The following POMGNT2 variants were observed in gnomAD, a reference collection of about 807,000 sequenced individuals.
The protein encoded by POMGNT2 is protein O-linked-mannose beta-1,4-N-acetylglucosaminyltransferase 2.
In POMGNT2, 32 loss-of-function variants were observed where a neutral mutation model predicts 37.8. The observed-to-expected ratio is 0.85, with a 90% CI of 0.64 to 1.14. The LOEUF is 1.14. Ranked by LOEUF, POMGNT2 falls within the 50% of genes most tolerant of loss-of-function variation. POMGNT2 has a pLI of 0.00. For missense variants in POMGNT2, 705 were observed against 780.6 expected (o/e 0.90, Z 1.15); for synonymous variants, 340 against 336.8 (o/e 1.01, Z -0.10).
intron 1 of POMGNT2, among the ~76,000 whole-genome samples, chr3:43,100,675 G>A (rs2090012099): frequency 6.6e-6 from 1 of 152,034 alleles, no homozygotes; most frequent in South Asian, 2.1e-4. Context: ...TCTATTTTCT[G>A]GTCCAGAATC....
At chr3:43,086,498 G>A (rs771928278) in intron 1 of POMGNT2, among the ~76,000 whole-genome samples, 2 of 152,168 alleles carry the variant, frequency 1.3e-5, no homozygotes, top group Non-Finnish European at 2.9e-5. Context: ...TATCTTTTGG[G>A]TTTCAACAAC....
chr3:43,089,649 G>A (rs1212522654), intron 1 of POMGNT2, among the ~76,000 whole-genome samples: 2 of 152,104 alleles, frequency 1.3e-5, no homozygotes, highest in Non-Finnish European at 2.9e-5. Context: ...GGCCTAGAAG[G>A]GAGCGCACAG....
intron 1 of POMGNT2, among the ~76,000 whole-genome samples, chr3:43,099,577 G>A (rs2090002695): frequency 6.6e-6 from 1 of 152,182 alleles, no homozygotes; most frequent in Non-Finnish European, 1.5e-5. Context: ...ACAGGTAAAG[G>A]TCGGGGAGCC....
At position 43,080,650 on chromosome 3, in the gene POMGNT2, C is replaced by T; in HGVS notation, c.782G>A (p.Gly261Asp). 1 of 1,614,220 alleles carries T rather than the reference C, an allele frequency of 6.2e-7. No homozygotes were observed. Among genetic ancestry groups the T allele is most frequent in the Non-Finnish European group, 8.5e-7 (1 of 1,180,036 alleles). The change falls in exon 2 of 2, where the codon GGC (glycine) becomes GAC (aspartate). Residue 261 changes from glycine to aspartate, a missense_variant. Gly to Asp is a moderately conservative substitution (Grantham distance 94, BLOSUM62 -1). Transcript: ENST00000344697. ...CCGTGCAAACTGCCGGATCTCATTG[C>T]CTGAGACGAGGATGTTGGCCTTCGG... ...QGPKANILVS[G>D]NEIRQFARFM...
chr3:43,095,948 C>A (rs940178191), intron 1 of POMGNT2, among the ~76,000 whole-genome samples: 3 of 152,120 alleles, frequency 2.0e-5, no homozygotes, highest in Admixed American at 6.5e-5. Context: ...CACTGGCTGA[C>A]CAGCTGAAAG....
chr3:43,091,559 T>A (rs180739327), intron 1 of POMGNT2, among the ~76,000 whole-genome samples: 1 of 152,202 alleles, frequency 6.6e-6, no homozygotes, highest in Non-Finnish European at 1.5e-5. Flanking sequence ...GATCTGCTGA[T>A]AGATACTAAA....
intron 1 of POMGNT2, among the ~76,000 whole-genome samples, chr3:43,093,661 A>G (rs1024774855): frequency 1.3e-5 from 2 of 152,154 alleles, no homozygotes; most frequent in African/African-American, 2.4e-5. Context: ...CTGTCTGATG[A>G]ATACCCCACT....
At position 43,079,884 on chromosome 3, in the gene POMGNT2, C is replaced by T; in HGVS notation, c.1548G>A (p.Lys516=). ...ACACCTCGTACTTCACCTCCCTCACCTTCAGGTATTTAAGGTTCCATGGGA... is the reference window on the plus strand; with the variant it reads ...ACACCTCGTACTTCACCTCCCTCACTTTCAGGTATTTAAGGTTCCATGGGA... ...WQIPWNLKYL[K]VREVKYEVWL... The change falls in exon 2 of 2, where the codon AAG becomes AAA. Residue 516 remains lysine, a synonymous_variant. Coordinates refer to ENST00000344697, the MANE Select transcript of POMGNT2 (RefSeq NM_032806.6). The T allele has an allele frequency of 6.2e-7, 1 of 1,614,140 alleles. No individual in the cohort carries two copies. Among genetic ancestry groups the T allele is most frequent in the Non-Finnish European group, 8.5e-7 (1 of 1,180,012 alleles).
intron 1 of POMGNT2, among the ~76,000 whole-genome samples, chr3:43,100,450 G>T (rs1296869662): frequency 6.6e-6 from 1 of 152,110 alleles, no homozygotes; most frequent in Admixed American, 6.5e-5. Context: ...ATCTGTGGGG[G>T]ATCCCGGAAC....
intron 1 of POMGNT2, among the ~76,000 whole-genome samples, chr3:43,102,043 G>C (rs1342149647): frequency 6.6e-6 from 1 of 152,034 alleles, no homozygotes; most frequent in Non-Finnish European, 1.5e-5. Flanking sequence ...CAGAGAGGAG[G>C]TAGGTCCCCC....
intron 1 of POMGNT2, among the ~76,000 whole-genome samples, chr3:43,105,369 C>T (rs946862857): frequency 3.8e-4 from 58 of 152,234 alleles, no homozygotes; most frequent in Non-Finnish European, 7.1e-4. Flanking sequence ...TGCAGGCCTG[C>T]CGGGGTTCTG....
At chr3:43,105,609 T>C (rs1305794500) in intron 1 of POMGNT2, among the ~76,000 whole-genome samples, 1 of 43,642 alleles carries the variant, frequency 2.3e-5, no homozygotes, top group Non-Finnish European at 4.3e-5. Context: ...ACCCTGAGGG[T>C]CCACCCCCGC....
chr3:43,105,441 C>T (rs2090050776), intron 1 of POMGNT2, among the ~76,000 whole-genome samples: 1 of 151,966 alleles, frequency 6.6e-6, no homozygotes. Flanking sequence ...CTCCCCACCA[C>T]CCCCGCCAAA....
At chr3:43,104,952 G>A (rs1347728886) in intron 1 of POMGNT2, among the ~76,000 whole-genome samples, 2 of 152,204 alleles carry the variant, frequency 1.3e-5, no homozygotes, top group African/African-American at 4.8e-5. Context: ...AGATTTGAAG[G>A]CGGGGCACAT....
chr3:43,095,447 A>G (rs921366085), intron 1 of POMGNT2, among the ~76,000 whole-genome samples: 5 of 152,166 alleles, frequency 3.3e-5, no homozygotes, highest in Non-Finnish European at 7.3e-5. Context: ...TTCCACACAG[A>G]GGAATAAAAA....
At chr3:43,084,398 C>A (rs554609507) in intron 1 of POMGNT2, among the ~76,000 whole-genome samples, 1 of 152,174 alleles carries the variant, frequency 6.6e-6, no homozygotes, top group African/African-American at 2.4e-5. Context: ...GTAATCCCAG[C>A]ACTTTGGGAG....
At chr3:43,103,279 TCCTC>T in intron 1 of POMGNT2, among the ~76,000 whole-genome samples, 1 of 152,184 alleles carries the variant, frequency 6.6e-6, no homozygotes, top group South Asian at 2.1e-4. Flanking sequence ...GGGCTCCTTC[TCCTC>T]CCTTATCCAC....
chr3:43,085,465 T>C (rs1575465745), intron 1 of POMGNT2, among the ~76,000 whole-genome samples: 1 of 150,276 alleles, frequency 6.7e-6, no homozygotes, highest in African/African-American at 2.5e-5. Context: ...TGGGTCTCAC[T>C]AGATCTGATA....
chr3:43,090,501 T>C (rs1240617706), intron 1 of POMGNT2: 2 of 151,998 alleles, frequency 1.3e-5, no homozygotes, highest in African/African-American at 4.8e-5. Flanking sequence ...ACCACCACCA[T>C]GGTATGGACA....
Sources: allele counts gnomAD v4.1 joint callset (sites outside exome capture counted in the v4.1 genomes callset), GRCh38; gene constraint gnomAD v4.1.1; transcripts MANE v1.5; gene names NCBI Gene and HGNC (gene_info 2026-07-23, HGNC 2026-07-21).